The following ZNF791 variants were observed in gnomAD, a reference collection of about 807,000 sequenced individuals.
ZNF791 encodes the protein zinc finger protein 791.
In ZNF791, 4 loss-of-function variants were observed where a neutral mutation model predicts 11.5. The observed-to-expected ratio is 0.35, with a 90% CI of 0.17 to 0.80. The LOEUF (loss-of-function observed/expected upper bound fraction) is 0.80, where lower values mean the gene tolerates loss of function less well. ZNF791 is among the 30% of genes least tolerant of loss of function. The pLI is 0.53. For synonymous variants in ZNF791, 212 were observed against 228.1 expected (o/e 0.93, Z 0.64); for missense variants, 559 against 699.4 (o/e 0.80, Z 2.26).
chr19:12,629,218 G>A lies in ZNF791; in HGVS notation c.1689G>A (p.Val563=), dbSNP rs1568291353. The change falls in exon 4 of 4, where the codon GTG becomes GTA. Residue 563 remains valine (V), a synonymous_variant. Coordinates refer to ENST00000343325, the MANE Select transcript of ZNF791 (RefSeq NM_153358.3). ...AGCAATGTGGAAAAGCCTTCAGTGTGTCCACATCCTTAAAAAAACATATGA... is the reference window on the plus strand; with the variant it reads ...AGCAATGTGGAAAAGCCTTCAGTGTATCCACATCCTTAAAAAAACATATGA... ...ECKQCGKAFS[V]STSLKKHMRM... 6.6e-7 allele frequency: 1 copy of A among 1,517,454 alleles called. No individual in the cohort carries two copies. The highest frequency in any genetic ancestry group is 2.3e-5 in the East Asian group (1 of 43,722). The allele number at this position is 1,517,454 out of a possible 1,614,324, so 94.0% of individuals were successfully genotyped here.
At chr19:12,623,468 AT>A (rs758748596) in intron 1 of ZNF791, 195 of 493,424 alleles carry the variant, frequency 4.0e-4, no homozygotes, top group Non-Finnish European at 1.6e-4. Context: ...GATTTCTTTC[AT>A]TTTTCTAAGT....
intron 2 of ZNF791, 49 bp downstream of exon 2, chr19:12,623,875 G>GGGT: frequency 4.0e-6 from 4 of 992,618 alleles, no homozygotes; most frequent in South Asian, 3.1e-5. Flanking sequence ...TTTTTTGGGG[G>GGGT]GGGACAGAGT....
chr19:12,629,446 G>T lies in ZNF791; in HGVS notation c.*186G>T, dbSNP rs2023472468. Reference sequence around the variant, plus strand: ...TTTCAGTCAGCAATGGACCATATAGGTTGGTAGCCCCATAAGATTATATAA... The same window carrying T: ...TTTCAGTCAGCAATGGACCATATAGTTTGGTAGCCCCATAAGATTATATAA... On this transcript the variant is annotated 3_prime_UTR_variant, in exon 4 of 4. Transcript: ENST00000343325. 2.2e-6 allele frequency: 1 copy of T among 461,968 alleles called. No individual in the cohort carries two copies. The highest frequency in any genetic ancestry group is 3.7e-6 in the Non-Finnish European group (1 of 270,604). The allele number at this position is 461,968 out of a possible 1,614,324, so 28.6% of individuals were successfully genotyped here.
Position 12,614,198 on chromosome 19 carries a change from A to T in ZNF791, c.3+3116A>T, listed in dbSNP as rs146151939. Reference sequence around the variant, plus strand: ...TGATCAGGTGCTTCTATCCTCCATTACCAGGTACTGACCCACTCTAGGGGT... The same window carrying T: ...TGATCAGGTGCTTCTATCCTCCATTTCCAGGTACTGACCCACTCTAGGGGT... On this transcript the variant is annotated intron_variant, in intron 1 of 3. Transcript: ENST00000343325. Among the ~76,000 whole-genome samples, 133 of 152,128 alleles carry T rather than the reference A, an allele frequency of 8.7e-4. 1 individual carries two copies. Among genetic ancestry groups the T allele is most frequent in the African/African-American group, 3.0e-3 (124 of 41,504 alleles).
At chr19:12,612,118 C>T (rs1217939527) in intron 1 of ZNF791, 1 of 871,366 alleles carries the variant, frequency 1.1e-6, no homozygotes, top group African/African-American at 1.8e-5. Flanking sequence ...AGGACTTAAA[C>T]TTGCAACATC....
chr19:12,611,212 G>C, intron 1 of ZNF791, 130 bp downstream of exon 1: 1 of 1,265,848 alleles, frequency 7.9e-7, no homozygotes, highest in East Asian at 2.5e-5. Context: ...TCCCGTCCCT[G>C]CGCGGCGACT....
chr19:12,626,939 C>T (rs563397270), intron 3 of ZNF791, among the ~76,000 whole-genome samples: 9 of 152,180 alleles, frequency 5.9e-5, no homozygotes, highest in South Asian at 2.1e-4. Context: ...ATATAATTTC[C>T]GGAAGCCAAG....
At chr19:12,611,543 G>A (rs1287201567) in intron 1 of ZNF791, among the ~76,000 whole-genome samples, 1 of 152,110 alleles carries the variant, frequency 6.6e-6, no homozygotes, top group Non-Finnish European at 1.5e-5. Flanking sequence ...ACTTCCGCTC[G>A]CCAGTGGAAA....
intron 3 of ZNF791, 60 bp from the exon 4 acceptor site, chr19:12,627,661 A>G (rs2023448622): frequency 7.1e-7 from 1 of 1,404,710 alleles, no homozygotes; most frequent in African/African-American, 1.4e-5. Flanking sequence ...CTACTACCCG[A>G]TAATACATAT....
At chr19:12,616,045 G>T (rs756103730) in intron 1 of ZNF791, among the ~76,000 whole-genome samples, 1 of 152,112 alleles carries the variant, frequency 6.6e-6, no homozygotes, top group Non-Finnish European at 1.5e-5. Flanking sequence ...CATTTCCATT[G>T]GCAAGGAATG....
chr19:12,611,114 G>A (rs2023148608), intron 1 of ZNF791, 32 bp downstream of exon 1: 1 of 1,613,160 alleles, frequency 6.2e-7, no homozygotes, highest in South Asian at 1.1e-5. Context: ...AGTTGGAACC[G>A]GCCGTGATCG....
rs536651740 is a variant in ZNF791, at chr19:12,626,295, G to A, written c.192-1426G>A. On this transcript the variant is annotated intron_variant, in intron 3 of 3. Transcript: ENST00000343325. ...CTCCCAAAGTGCTGGGATTACAGGC[G>A]TGAGCCACCATGCCCAGCCAATTTT... is the stretch of plus-strand genomic sequence containing the variant. Among the ~76,000 whole-genome samples the A allele has an allele frequency of 2.1e-4, 32 of 150,074 alleles. 1 individual carries two copies. In the South Asian group the frequency reaches 3.0e-3, roughly 14 times the overall value.
chr19:12,617,122 T>C (rs943586747), intron 1 of ZNF791, among the ~76,000 whole-genome samples: 2 of 151,536 alleles, frequency 1.3e-5, no homozygotes, highest in South Asian at 4.2e-4. Flanking sequence ...TTTTTCTTTT[T>C]TCTTCTTTTT....
intron 1 of ZNF791, among the ~76,000 whole-genome samples, chr19:12,611,832 C>T (rs1275689238): frequency 6.6e-6 from 1 of 152,120 alleles, no homozygotes; most frequent in Non-Finnish European, 1.5e-5. Context: ...ATCTTTTCAG[C>T]ACAGTTTCAG....
chr19:12,621,797 C>G (rs12985783), intron 1 of ZNF791, among the ~76,000 whole-genome samples: 25 of 122,952 alleles, frequency 2.0e-4, no homozygotes, highest in African/African-American at 3.0e-4. Flanking sequence ...CCCGGCCAGC[C>G]GCCCCGTCCG....
Position 12,628,199 on chromosome 19 carries a change from G to A in ZNF791, c.670G>A (p.Ala224Thr), listed in dbSNP as rs867986778. Reference sequence around the variant, plus strand: ...CTATGAATGTAAACAATGTGGGAAAGCCTTCAGTTGTTCCAGTTCTATTCG... The same window carrying A: ...CTATGAATGTAAACAATGTGGGAAAACCTTCAGTTGTTCCAGTTCTATTCG... The part of the protein sequence containing the change: ...KPYECKQCGK[A>T]FSCSSSIRVH... The change falls in exon 4 of 4, where the codon GCC (alanine) becomes ACC (threonine). Residue 224 changes from alanine (A) to threonine (T), a missense_variant. Physicochemically the swap from Ala to Thr is moderately conservative, Grantham distance 58. Transcript: ENST00000343325. 5 of 1,613,904 alleles carry A rather than the reference G, an allele frequency of 3.1e-6. No individual in the cohort carries two copies. The African/African-American group carries it at 4.0e-5, about 13-fold the overall frequency.
chr19:12,622,413 A>AAC (rs1446899476), intron 1 of ZNF791, among the ~76,000 whole-genome samples: 2 of 138,014 alleles, frequency 1.4e-5, no homozygotes, highest in Admixed American at 1.4e-4. Context: ...GTCTCAAACA[A>AAC]AAAAAAAAAA....
At chr19:12,626,394 C>G (rs1259666423) in intron 3 of ZNF791, among the ~76,000 whole-genome samples, 1 of 151,362 alleles carries the variant, frequency 6.6e-6, no homozygotes, top group Non-Finnish European at 1.5e-5. Flanking sequence ...CGTGATCTGC[C>G]CGCCTCGGCC....
chr19:12,627,700 C>A, intron 3 of ZNF791, 21 bp from the exon 4 acceptor site: 2 of 1,578,312 alleles, frequency 1.3e-6, no homozygotes, highest in Non-Finnish European at 1.7e-6. Context: ...CCAGTATTAC[C>A]GTGCTTCTAA....
Sources: gnomAD v4.1 joint callset for allele counts (sites outside exome capture counted in the v4.1 genomes callset) on GRCh38, gnomAD v4.1.1 for gene constraint, MANE v1.5 for transcripts, NCBI Gene and HGNC (gene_info 2026-07-23, HGNC 2026-07-21) for gene names.